Variants in PCDHGB5 observed in about 807,000 individuals in gnomAD.
PCDHGB5 encodes the protein protocadherin gamma-B5.
A neutral mutation model predicts 62.9 loss-of-function variants in PCDHGB5; 48 were observed. That is an observed-to-expected ratio of 0.76 (90% confidence interval 0.61 to 0.97). The LOEUF (loss-of-function observed/expected upper bound fraction) is 0.97. Among genes scored for constraint, PCDHGB5 ranks in the 50% least tolerant of loss-of-function variants. The probability of loss-of-function intolerance (pLI) is 0.00; values close to 1 mark genes in which losing one functional copy is unlikely to be tolerated. For missense variants in PCDHGB5, 1,118 were observed against 1,198.6 expected (o/e 0.93, Z 0.99); for synonymous variants, 474 against 511.2 (o/e 0.93, Z 0.98).
rs756476818 is a variant in PCDHGB5 at position 141,431,027 on chromosome 5, A to G, written c.2397+30503A>G. The G allele has an allele frequency of 6.2e-6, 10 of 1,614,034 alleles. No homozygotes were observed. The highest frequency in any genetic ancestry group is 1.1e-5 in the South Asian group (1 of 91,078). On this transcript the variant is annotated intron_variant, in intron 1 of 3. Coordinates refer to ENST00000617380, the MANE Select transcript of PCDHGB5 (RefSeq NM_018925.3). This position sits in a 1 kb window ranked among gnomAD's most constrained non-coding sequence, Gnocchi z 4.8. ...CGGCAGCTTGGTCACGGCGGGCAGG[A>G]TAGACCGGGAGGAGCTCTGTATGGG...
intron 1 of PCDHGB5, chr5:141,433,096 C>G: frequency 3.1e-6 from 5 of 1,614,118 alleles, no homozygotes; most frequent in Non-Finnish European, 4.2e-6. Flanking sequence ...CAGACATGCT[C>G]GTCAGCCAGG....
rs1158395811 is a variant in PCDHGB5, at chr5:141,476,020, T to TCGGCGCC, written c.2398-18785_2398-18779dup. The stretch of plus-strand genomic sequence containing the variant: ...CGGCATCCAGAAAGCCATGTCGGAC[T>TCGGCGCC]CGGCGCCCAGCGCCCAAGCGCTAAC... On this transcript the variant is annotated intron_variant, in intron 1 of 3. Transcript: ENST00000617380. The surrounding 1 kb of genome is among the most constrained non-coding windows in gnomAD (Gnocchi z 7.6). 2.1e-6 allele frequency: 3 copies of TCGGCGCC among 1,398,716 alleles called. No homozygotes were observed. The African/African-American group carries it at 4.3e-5, about 20-fold the overall frequency. The allele number at this position is 1,398,716 out of a possible 1,614,324, so 86.6% of individuals were successfully genotyped here. A position where few individuals can be genotyped will look rare whatever the true frequency, so the allele number is the denominator to read the frequency against.
Position 141,398,688 on chromosome 5 carries a change from T to C in PCDHGB5, c.561T>C (p.Asp187=). ...CATTAATAATTAAGGAGAAACAGGA[T>C]GGTAGTAAATACCCGGAACTGGCAC... ...SFSLIIKEKQ[D]GSKYPELALE... is the part of the protein sequence containing the mutation. Residue 187 remains aspartate, a synonymous_variant, in exon 1 of 4, where the codon GAT becomes GAC. Coordinates refer to ENST00000617380, the MANE Select transcript of PCDHGB5 (RefSeq NM_018925.3). The C allele has an allele frequency of 1.2e-6, 2 of 1,613,938 alleles. No homozygotes were observed. Among genetic ancestry groups the C allele is most frequent in the South Asian group, 2.2e-5 (2 of 91,084 alleles).
At chr5:141,420,687 G>T (rs2096517632) in intron 1 of PCDHGB5, among the ~76,000 whole-genome samples, 1 of 152,182 alleles carries the variant, frequency 6.6e-6, no homozygotes, top group South Asian at 2.1e-4. Flanking sequence ...TATCGGGACC[G>T]TATTATTTCC....
At chr5:141,454,997 A>G (rs2098809547) in intron 1 of PCDHGB5, among the ~76,000 whole-genome samples, 2 of 151,192 alleles carry the variant, frequency 1.3e-5, no homozygotes, top group Admixed American at 6.6e-5. Flanking sequence ...TATTTTTAGT[A>G]GAGACGGGGT....
chr5:141,435,910 G>T (rs1296707748), intron 1 of PCDHGB5, among the ~76,000 whole-genome samples: 2 of 152,112 alleles, frequency 1.3e-5, no homozygotes, highest in Non-Finnish European at 2.9e-5. Flanking sequence ...ACATCCAAGG[G>T]CTCTAAAATG....
At chr5:141,500,438 T>C (rs977844035) in intron 2 of PCDHGB5, among the ~76,000 whole-genome samples, 2 of 151,816 alleles carry the variant, frequency 1.3e-5, no homozygotes, top group African/African-American at 4.8e-5. Flanking sequence ...CTCGATCTCC[T>C]GACCTCGTGA....
intron 1 of PCDHGB5, among the ~76,000 whole-genome samples, chr5:141,402,570 C>G (rs947118867): frequency 1.3e-5 from 2 of 152,138 alleles, no homozygotes; most frequent in Admixed American, 1.3e-4. Flanking sequence ...TTATTTACAA[C>G]TCAGATATCT....
At position 141,408,867 on chromosome 5, in the gene PCDHGB5, G is replaced by T. The variant is rs376342658; in HGVS notation, c.2397+8343G>T. 5.5e-5 allele frequency: 88 copies of T among 1,613,574 alleles called. No homozygotes were observed. The highest frequency in any genetic ancestry group is 6.8e-5 in the Non-Finnish European group (80 of 1,179,830). ...GCCTTGGACGGAGGGGACCCACCAA[G>T]AAGTGCCACCGCTCACATAGAAATT... On this transcript the variant is annotated intron_variant, in intron 1 of 3. Transcript: ENST00000617380.
At position 141,490,908 on chromosome 5, in the gene PCDHGB5, C is replaced by A; in HGVS notation, c.2398-3899C>A. On this transcript the variant is annotated intron_variant, in intron 1 of 3. Coordinates refer to ENST00000617380, the MANE Select transcript of PCDHGB5 (RefSeq NM_018925.3). The surrounding 1 kb of genome is among the most constrained non-coding windows in gnomAD (Gnocchi z 5.4). The stretch of plus-strand genomic sequence containing the variant: ...CATCTCTGCATGTGTTTGTCCTAGA[C>A]GAGAATGATAATGCCCCAGCTGTGC... The A allele has an allele frequency of 6.2e-7, 1 of 1,613,710 alleles. No homozygotes were observed. Among genetic ancestry groups the A allele is most frequent in the Non-Finnish European group, 8.5e-7 (1 of 1,179,754 alleles).
intron 1 of PCDHGB5, among the ~76,000 whole-genome samples, chr5:141,448,813 C>T (rs1020956433): frequency 2.0e-5 from 3 of 151,800 alleles, no homozygotes; most frequent in Admixed American, 1.3e-4. Context: ...GGCGTGATGG[C>T]GGGCGCCTGT....
Position 141,432,061 on chromosome 5 carries a change from G to A in PCDHGB5, c.2397+31537G>A. 1 of 1,614,130 alleles carries A rather than the reference G, an allele frequency of 6.2e-7. No homozygotes were observed. The highest frequency in any genetic ancestry group is 8.5e-7 in the Non-Finnish European group (1 of 1,180,034). ...ACCGGGGAACCCCGCCCCTATCCAC[G>A]GAAACTCATATCTCGCTGAACGTGG... On this transcript the variant is annotated intron_variant, in intron 1 of 3. Coordinates refer to ENST00000617380, the MANE Select transcript of PCDHGB5 (RefSeq NM_018925.3). The surrounding 1 kb of genome is among the most constrained non-coding windows in gnomAD (Gnocchi z 6.0).
Position 141,490,765 on chromosome 5 carries a change from G to A in PCDHGB5, c.2398-4042G>A. The A allele has an allele frequency of 6.2e-7, 1 of 1,614,076 alleles. No individual in the cohort carries two copies. The highest frequency in any genetic ancestry group is 8.5e-7 in the Non-Finnish European group (1 of 1,179,914). ...AGCCCCAGCCTCCTCCTTTGTGTAT[G>A]TCAACCCAGAGGATGGACGGATCTT... On this transcript the variant is annotated intron_variant, in intron 1 of 3. Coordinates refer to ENST00000617380, the MANE Select transcript of PCDHGB5 (RefSeq NM_018925.3). This position sits in a 1 kb window ranked among gnomAD's most constrained non-coding sequence, Gnocchi z 5.4.
chr5:141,415,107 A>C (rs372656276), intron 1 of PCDHGB5: 12 of 1,613,634 alleles, frequency 7.4e-6, no homozygotes, highest in East Asian at 2.2e-5. Context: ...CGCTCAAGCA[A>C]AGCCTCGTAG....
At chr5:141,468,697 T>A (rs2099174099) in intron 1 of PCDHGB5, 1 of 151,646 alleles carries the variant, frequency 6.6e-6, no homozygotes, top group Non-Finnish European at 1.5e-5. Context: ...AAACCCCGTC[T>A]CTACTAAAAA....
intron 1 of PCDHGB5, chr5:141,422,129 A>T: frequency 6.3e-7 from 1 of 1,599,702 alleles, no homozygotes; most frequent in East Asian, 2.2e-5. Flanking sequence ...CAAACTGGAG[A>T]AGTTCAAGTA....
chr5:141,422,919 G>C (rs1445179310), intron 1 of PCDHGB5: 9 of 1,614,120 alleles, frequency 5.6e-6, no homozygotes, highest in Non-Finnish European at 6.8e-6. Context: ...CCGAGATCCT[G>C]TACCCTGCCC....
intron 1 of PCDHGB5, chr5:141,412,314 A>G (rs913648948): frequency 6.6e-6 from 1 of 152,240 alleles, no homozygotes; most frequent in African/African-American, 2.4e-5. Flanking sequence ...CAATGCAAAC[A>G]GTTTAATTTG....
Position 141,489,172 on chromosome 5 carries a change from T to G in PCDHGB5, c.2398-5635T>G. 1 of 1,199,026 alleles carries G rather than the reference T, an allele frequency of 8.3e-7. No individual in the cohort carries two copies. Among genetic ancestry groups the G allele is most frequent in the East Asian group, 2.4e-5 (1 of 42,106 alleles). The allele number at this position is 1,199,026 out of a possible 1,614,324, so 74.3% of individuals were successfully genotyped here. ...ACATAAGAGACTTCAGCTGCTGCATTCCAAGCCCTGGGTCTACCTTGGAGA... is the reference window on the plus strand; with the variant it reads ...ACATAAGAGACTTCAGCTGCTGCATGCCAAGCCCTGGGTCTACCTTGGAGA... On this transcript the variant is annotated intron_variant, in intron 1 of 3. Coordinates refer to ENST00000617380, the MANE Select transcript of PCDHGB5 (RefSeq NM_018925.3). This position sits in a 1 kb window ranked among gnomAD's most constrained non-coding sequence, Gnocchi z 4.5.
Sources: allele counts gnomAD v4.1 joint callset (sites outside exome capture counted in the v4.1 genomes callset), GRCh38; gene constraint gnomAD v4.1.1; non-coding constraint Gnocchi (gnomAD v3.1); transcripts MANE v1.5; gene names NCBI Gene and HGNC (gene_info 2026-07-23, HGNC 2026-07-21).